The following ARHGEF26 variants were observed in gnomAD, a reference collection of about 807,000 sequenced individuals.
ARHGEF26 encodes Rho guanine nucleotide exchange factor (GEF) 26.
ARHGEF26 carries 59 observed loss-of-function variants against 89.4 expected under a neutral mutation model. That is an observed-to-expected ratio of 0.66 (90% CI 0.54 to 0.82). The LOEUF (loss-of-function observed/expected upper bound fraction) is 0.82. Among genes scored for constraint, ARHGEF26 ranks in the 40% least tolerant of loss-of-function variants. The pLI, the probability that ARHGEF26 is intolerant of heterozygous loss-of-function variation, is 0.00. For missense variants in ARHGEF26, 1,234 were observed against 1,085.6 expected, an observed-to-expected ratio of 1.14 and a Z score of -1.92; for synonymous variants, 500 against 428.4, an observed-to-expected ratio of 1.17 and a Z score of -2.06.
At chr3:154,154,771 C>T (rs1166546114) in intron 6 of ARHGEF26, among the ~76,000 whole-genome samples, 1 of 151,964 alleles carries the variant, frequency 6.6e-6, no homozygotes, top group African/African-American at 2.4e-5. Flanking sequence ...ACTCCTTTCT[C>T]CAGCTACAAT....
At chr3:154,185,136 C>T (rs950250687) in intron 6 of ARHGEF26, among the ~76,000 whole-genome samples, 2 of 152,138 alleles carry the variant, frequency 1.3e-5, no homozygotes, top group African/African-American at 2.4e-5. Context: ...GTTTTTTACT[C>T]ACCATACTTC....
At chr3:154,247,309 C>T (rs917219958) in intron 12 of ARHGEF26, among the ~76,000 whole-genome samples, 2 of 152,156 alleles carry the variant, frequency 1.3e-5, no homozygotes, top group Non-Finnish European at 2.9e-5. Flanking sequence ...TTGCGTTATC[C>T]AGTCTGGAGA....
At chr3:154,198,763 A>C (rs968500304) in intron 9 of ARHGEF26, among the ~76,000 whole-genome samples, 7 of 152,100 alleles carry the variant, frequency 4.6e-5, no homozygotes, top group Non-Finnish European at 1.0e-4. Flanking sequence ...AAGAGTACAC[A>C]TTGGGCACAG....
chr3:154,183,807 C>G (rs139413712), intron 6 of ARHGEF26, among the ~76,000 whole-genome samples: 63 of 152,162 alleles, frequency 4.1e-4, no homozygotes, highest in African/African-American at 1.4e-3. Context: ...ATGAAATTTT[C>G]CTTTTCATTG....
chr3:154,237,671 GACA>G (rs1242822347), intron 11 of ARHGEF26, among the ~76,000 whole-genome samples: 2 of 151,988 alleles, frequency 1.3e-5, no homozygotes, highest in East Asian at 1.9e-4. Context: ...ACTTTATGTT[GACA>G]ACATTTTCGA....
At chr3:154,194,779 A>G in intron 9 of ARHGEF26, 61 bp downstream of exon 9, 1 of 1,399,090 alleles carries the variant, frequency 7.1e-7, no homozygotes, top group Non-Finnish European at 1.0e-6. Context: ...CTCAGACACA[A>G]AGTGTGTCTT....
intron 4 of ARHGEF26, among the ~76,000 whole-genome samples, chr3:154,141,563 C>G (rs1005377482): frequency 2.0e-5 from 3 of 152,210 alleles, no homozygotes; most frequent in Non-Finnish European, 2.9e-5. Flanking sequence ...TGTTAAACGA[C>G]ATGACTGACT....
At chr3:154,190,309 C>T (rs1437599867) in intron 7 of ARHGEF26, among the ~76,000 whole-genome samples, 1 of 152,084 alleles carries the variant, frequency 6.6e-6, no homozygotes, top group Non-Finnish European at 1.5e-5. Context: ...GCCAGGAGTT[C>T]GAGACTACCC....
At chr3:154,246,715 G>A (rs960567649) in intron 12 of ARHGEF26, among the ~76,000 whole-genome samples, 1 of 152,114 alleles carries the variant, frequency 6.6e-6, no homozygotes. Context: ...TGGAGTAGTC[G>A]AGGGGAGTCC....
intron 12 of ARHGEF26, among the ~76,000 whole-genome samples, chr3:154,244,836 C>CT (rs1315929012): frequency 2.0e-5 from 3 of 152,076 alleles, no homozygotes; most frequent in African/African-American, 7.2e-5. Context: ...TCCTGACAGT[C>CT]TAGCAGTCTT....
intron 4 of ARHGEF26, among the ~76,000 whole-genome samples, chr3:154,130,908 C>T (rs1368237052): frequency 2.6e-5 from 4 of 152,044 alleles, no homozygotes; most frequent in African/African-American, 9.7e-5. Flanking sequence ...ATAGCCAGGG[C>T]CGTGGGAATA....
intron 5 of ARHGEF26, among the ~76,000 whole-genome samples, chr3:154,150,380 AT>A (rs1719951398): frequency 6.6e-6 from 1 of 152,144 alleles, no homozygotes. Context: ...AGAGACAACT[AT>A]AATTATGAAC....
intron 7 of ARHGEF26, among the ~76,000 whole-genome samples, chr3:154,188,485 T>G (rs1713731641): frequency 6.6e-6 from 1 of 152,272 alleles, no homozygotes; most frequent in Non-Finnish European, 1.5e-5. Flanking sequence ...GCATATGCCA[T>G]CTGTGTCCTT....
At chr3:154,197,886 A>G (rs893815453) in intron 9 of ARHGEF26, among the ~76,000 whole-genome samples, 1 of 152,060 alleles carries the variant, frequency 6.6e-6, no homozygotes. Flanking sequence ...TGATCAAGAG[A>G]TGGTCTTATG....
At chr3:154,175,476 T>C (rs1472393880) in intron 6 of ARHGEF26, among the ~76,000 whole-genome samples, 5 of 152,182 alleles carry the variant, frequency 3.3e-5, no homozygotes, top group Non-Finnish European at 7.3e-5. Flanking sequence ...ACCCTGGAGA[T>C]GTGTAAAAGA....
At chr3:154,132,015 T>C (rs1391384550) in intron 4 of ARHGEF26, among the ~76,000 whole-genome samples, 1 of 152,208 alleles carries the variant, frequency 6.6e-6, no homozygotes, top group South Asian at 2.1e-4. Context: ...TTAGTGTATG[T>C]TATCTTGGAG....
chr3:154,129,040 A>G (rs1044139052), intron 3 of ARHGEF26, among the ~76,000 whole-genome samples: 2 of 152,146 alleles, frequency 1.3e-5, no homozygotes, highest in Admixed American at 6.5e-5. Flanking sequence ...GGTGTTTTCT[A>G]AGTAACAGTT....
At chr3:154,197,974 T>G (rs1343308372) in intron 9 of ARHGEF26, among the ~76,000 whole-genome samples, 6 of 152,152 alleles carry the variant, frequency 3.9e-5, no homozygotes, top group Non-Finnish European at 7.4e-5. Context: ...TCTGACCTCA[T>G]CAAAATTCCG....
At chr3:154,160,404 T>C (rs139661940) in intron 6 of ARHGEF26, among the ~76,000 whole-genome samples, 1 of 152,272 alleles carries the variant, frequency 6.6e-6, no homozygotes, top group East Asian at 1.9e-4. Context: ...GAAGTCTTTG[T>C]ACAATTGAAC....
Sources: gnomAD v4.1 joint callset for allele counts (sites outside exome capture counted in the v4.1 genomes callset) on GRCh38, gnomAD v4.1.1 for gene constraint, MANE v1.5 for transcripts, NCBI Gene and HGNC (gene_info 2026-07-23, HGNC 2026-07-21) for gene names.